ATP6V1C1: variants seen among roughly 807,000 people sequenced by gnomAD.
ATP6V1C1 encodes the protein ATPase H+ transporting V1 subunit C1, also known as V-type proton ATPase subunit C 1.
A neutral mutation model predicts 53.9 loss-of-function variants in ATP6V1C1; 45 were observed. That is an observed-to-expected ratio of 0.83 (90% confidence interval 0.66 to 1.07). The LOEUF is 1.07. Among genes scored for constraint, ATP6V1C1 ranks in the 50% least tolerant of loss-of-function variants. The pLI, the probability that ATP6V1C1 is intolerant of heterozygous loss-of-function variation, is 0.00. For synonymous variants in ATP6V1C1, 153 were observed against 155.2 expected (o/e 0.99, Z 0.11); for missense variants, 315 against 440.3 (o/e 0.72, Z 2.55).
intron 1 of ATP6V1C1, among the ~76,000 whole-genome samples, chr8:103,026,871 A>G (rs1166672514): frequency 2.0e-5 from 3 of 152,254 alleles, no homozygotes; most frequent in African/African-American, 7.2e-5. Context: ...CGTATGAATC[A>G]TGGACGTATT....
Position 103,068,713 on chromosome 8 carries a change from A to G in ATP6V1C1, c.1115A>G (p.Tyr372Cys). ...CAAGAATACTACCCCTATGTGTACT[A>G]CAAGATTGATTGCAACTTGCTGGAA... Reference protein sequence around the residue: ...SQQEYYPYVYYKIDCNLLEFK With the variant: ...SQQEYYPYVYCKIDCNLLEFK Residue 372 changes from tyrosine (Y) to cysteine (C), a missense_variant, in exon 13 of 13, where the codon TAC becomes TGC. Coordinates refer to ENST00000518738, the MANE Select transcript of ATP6V1C1 (RefSeq NM_001695.5). The G allele has an allele frequency of 6.2e-7, 1 of 1,610,556 alleles. No homozygotes were observed. Among genetic ancestry groups the G allele is most frequent in the Non-Finnish European group, 8.5e-7 (1 of 1,178,482 alleles).
At chr8:103,059,938 GC>G (rs1462604321) in intron 8 of ATP6V1C1, among the ~76,000 whole-genome samples, 27 of 149,534 alleles carry the variant, frequency 1.8e-4, no homozygotes, top group Non-Finnish European at 2.5e-4. Context: ...CTATGTCCCA[GC>G]CATATATGTA....
intron 12 of ATP6V1C1, among the ~76,000 whole-genome samples, chr8:103,067,512 A>G (rs991337476): frequency 2.0e-5 from 3 of 151,230 alleles, no homozygotes; most frequent in Admixed American, 2.0e-4. Flanking sequence ...AGCATCTCAC[A>G]TAGGCATTAA....
At position 103,063,343 on chromosome 8, in the gene ATP6V1C1, TA is replaced by T. The variant is rs1204744193; in HGVS notation, c.828+116del. On this transcript the variant is annotated intron_variant, in intron 10 of 12. Coordinates refer to ENST00000518738, the MANE Select transcript of ATP6V1C1 (RefSeq NM_001695.5). ...GCTTTGGTTTTAAGACATTTGATTT[TA>T]GTTTTTTTTTTTAATTGAATAATCA... 3 of 687,186 alleles carry T rather than the reference TA, an allele frequency of 4.4e-6. No individual in the cohort carries two copies. The African/African-American group carries it at 5.4e-5, about 12-fold the overall frequency. 42.6% of individuals were successfully genotyped at this position (687,186 alleles called of 1,614,324 possible). A position where few individuals can be genotyped will look rare whatever the true frequency, so the allele number is the denominator to read the frequency against.
intron 2 of ATP6V1C1, 35 bp from the exon 3 acceptor site, chr8:103,042,305 C>A: frequency 6.4e-7 from 1 of 1,574,408 alleles, no homozygotes. Flanking sequence ...TTTAAAAAAG[C>A]ATGCCACCTA....
At chr8:103,038,058 C>T (rs1164900046) in intron 1 of ATP6V1C1, among the ~76,000 whole-genome samples, 2 of 152,102 alleles carry the variant, frequency 1.3e-5, no homozygotes, top group African/African-American at 4.8e-5. Context: ...AACAAACTAC[C>T]CCAAACTTAG....
At position 103,060,109 on chromosome 8, in the gene ATP6V1C1, A is replaced by G. The variant is rs375741797; in HGVS notation, c.642-2846A>G. ...CAGCTTCCCAAGTAGCTGGGATTAC[A>G]GGCATGTGCCACCACACTCAGCTGA... is the stretch of plus-strand genomic sequence containing the variant. On this transcript the variant is annotated intron_variant, in intron 8 of 12. Coordinates refer to ENST00000518738, the MANE Select transcript of ATP6V1C1 (RefSeq NM_001695.5). 3.1e-4 allele frequency among the ~76,000 whole-genome samples: 47 copies of G among 151,748 alleles called. 1 individual carries two copies. Among genetic ancestry groups the G allele is most frequent in the African/African-American group, 9.7e-4 (40 of 41,332 alleles).
intron 1 of ATP6V1C1, among the ~76,000 whole-genome samples, chr8:103,039,597 C>A (rs1228110379): frequency 6.6e-6 from 1 of 152,054 alleles, no homozygotes; most frequent in East Asian, 1.9e-4. Flanking sequence ...TGTTGGTTCT[C>A]ATGAAGGCAG....
At chr8:103,062,835 G>A (rs1055065171) in intron 8 of ATP6V1C1, 120 bp from the exon 9 acceptor site, 4 of 738,434 alleles carry the variant, frequency 5.4e-6, no homozygotes, top group Admixed American at 2.5e-5. Flanking sequence ...AAGCATTGAG[G>A]TGATTTGGGA....
At position 103,060,396 on chromosome 8, in the gene ATP6V1C1, T is replaced by A. The variant is rs538149233; in HGVS notation, c.642-2559T>A. On this transcript the variant is annotated intron_variant, in intron 8 of 12. Coordinates refer to ENST00000518738, the MANE Select transcript of ATP6V1C1 (RefSeq NM_001695.5). Reference sequence around the variant, plus strand: ...GTCTTTCTTTCAAACTTCCACCTGGTATCACCACTTTGGTGAAACTCCTTT... The same window carrying A: ...GTCTTTCTTTCAAACTTCCACCTGGAATCACCACTTTGGTGAAACTCCTTT... Among the ~76,000 whole-genome samples, 7 of 152,356 alleles carry A rather than the reference T, an allele frequency of 4.6e-5. No individual in the cohort carries two copies. In the South Asian group the frequency reaches 1.4e-3, roughly 32 times the overall value.
chr8:103,054,803 A>T (rs1458509875), intron 7 of ATP6V1C1, among the ~76,000 whole-genome samples: 1 of 152,092 alleles, frequency 6.6e-6, no homozygotes, highest in Non-Finnish European at 1.5e-5. Flanking sequence ...ATCCAAACTC[A>T]GGTGGGAGAT....
intron 11 of ATP6V1C1, 67 bp downstream of exon 11, chr8:103,064,878 A>T: frequency 4.4e-6 from 6 of 1,369,842 alleles, no homozygotes; most frequent in Non-Finnish European, 6.1e-6. Flanking sequence ...GGACCTCTTT[A>T]TTATAACACA....
rs546475923 is a variant in ATP6V1C1 at position 103,047,430 on chromosome 8, G to GCACA, written c.201-1409_201-1406dup. Among the ~76,000 whole-genome samples the GCACA allele has an allele frequency of 5.5e-3, 578 of 104,926 alleles. 4 individuals carry two copies. Among genetic ancestry groups the GCACA allele is most frequent in the Non-Finnish European group, 6.2e-3 (318 of 51,698 alleles). The allele number at this position is 104,926 out of a possible 152,430, so 68.8% of individuals were successfully genotyped here. On this transcript the variant is annotated intron_variant, in intron 3 of 12. Transcript: ENST00000518738. ...TTAAAAAAAAAAAAAAAATGCGCGC[G>GCACA]CACACACACACACACACACACACAC...
At chr8:103,057,502 CT>C (rs1414418430) in intron 8 of ATP6V1C1, among the ~76,000 whole-genome samples, 3 of 152,198 alleles carry the variant, frequency 2.0e-5, no homozygotes, top group African/African-American at 7.2e-5. Flanking sequence ...GCCTCTGGTC[CT>C]TTTGTTACTT....
intron 1 of ATP6V1C1, among the ~76,000 whole-genome samples, chr8:103,035,231 G>C (rs1198611263): frequency 2.6e-5 from 4 of 151,830 alleles, no homozygotes; most frequent in African/African-American, 4.8e-5. Flanking sequence ...TAAAATAAGG[G>C]TTTTCTGGAA....
At chr8:103,022,064 G>A (rs73290361) in intron 1 of ATP6V1C1, among the ~76,000 whole-genome samples, 3 of 152,094 alleles carry the variant, frequency 2.0e-5, no homozygotes, top group Non-Finnish European at 2.9e-5. Context: ...CTACACACAG[G>A]ACACGTTAAA....
intron 8 of ATP6V1C1, among the ~76,000 whole-genome samples, chr8:103,060,511 G>GTA: frequency 6.6e-6 from 1 of 152,280 alleles, no homozygotes; most frequent in East Asian, 1.9e-4. Flanking sequence ...AGTTACTTGT[G>GTA]TATGCCTGTT....
At position 103,040,923 on chromosome 8, in the gene ATP6V1C1, C is replaced by T. The variant is rs762352880; in HGVS notation, c.87C>T (p.Asn29=). The part of the protein sequence containing the change: ...WEKLHAATSK[N]NNLAVTSKFN... ...AATTGCATGCGGCAACTTCAAAGAA[C>T]AATAATCTTGCTGTCACTTCCAAGT... Residue 29 remains asparagine, a synonymous_variant, in exon 2 of 13, where the codon AAC becomes AAT. Transcript: ENST00000518738. 1.2e-6 allele frequency: 2 copies of T among 1,614,064 alleles called. No individual in the cohort carries two copies. The highest frequency in any genetic ancestry group is 1.1e-5 in the South Asian group (1 of 91,082).
At chr8:103,029,528 A>G (rs955140748) in intron 1 of ATP6V1C1, among the ~76,000 whole-genome samples, 4 of 152,066 alleles carry the variant, frequency 2.6e-5, no homozygotes, top group African/African-American at 7.2e-5. Flanking sequence ...TCAGCCTCCC[A>G]AAGTGTTGGG....
Sources: allele counts gnomAD v4.1 joint callset (sites outside exome capture counted in the v4.1 genomes callset), GRCh38; gene constraint gnomAD v4.1.1; transcripts MANE v1.5; gene names NCBI Gene and HGNC (gene_info 2026-07-23, HGNC 2026-07-21).